RPGRIP1: variants seen among roughly 807,000 people sequenced by gnomAD.
The protein encoded by RPGRIP1 is RPGR interacting protein 1.
Under a neutral mutation model 157.9 loss-of-function variants are expected in RPGRIP1, and 128 were observed. The ratio of observed to expected loss-of-function variants is 0.81; its 90% CI spans 0.70 to 0.94. RPGRIP1 has a LOEUF of 0.94. Ranked by LOEUF, RPGRIP1 falls within the 40% of genes least tolerant of loss-of-function variation. The pLI, the probability that RPGRIP1 is intolerant of heterozygous loss-of-function variation, is 0.00. For synonymous variants in RPGRIP1, 554 were observed against 571.6 expected (o/e 0.97, Z 0.44); for missense variants, 1,486 against 1,545.8 (o/e 0.96, Z 0.65).
At chr14:21,323,569 A>G (rs556612725) in intron 14 of RPGRIP1, among the ~76,000 whole-genome samples, 1 of 152,250 alleles carries the variant, frequency 6.6e-6, no homozygotes, top group African/African-American at 2.4e-5. Context: ...ATCACTGGTA[A>G]GACTAAAGAG....
At chr14:21,324,278 C>T (rs1362278826) in intron 14 of RPGRIP1, 3 of 366,434 alleles carry the variant, frequency 8.2e-6, no homozygotes. Context: ...TAGTACTTCT[C>T]TTATGGAATT....
intron 1 of RPGRIP1, among the ~76,000 whole-genome samples, chr14:21,281,724 A>C (rs1189718105): frequency 6.8e-6 from 1 of 147,318 alleles, no homozygotes; most frequent in Non-Finnish European, 1.5e-5. Flanking sequence ...AATAATAATA[A>C]TAATAATAAT....
intron 24 of RPGRIP1, among the ~76,000 whole-genome samples, chr14:21,349,365 C>T (rs141277287): frequency 5.4e-4 from 81 of 150,322 alleles, no homozygotes; most frequent in African/African-American, 1.7e-3. Context: ...CCACTGCGCC[C>T]GGCCTCCTTA....
chr14:21,290,379 T>A (rs576404100), intron 2 of RPGRIP1, among the ~76,000 whole-genome samples: 78 of 152,246 alleles, frequency 5.1e-4, no homozygotes, highest in African/African-American at 1.8e-3. Flanking sequence ...TTTAAAAAAA[T>A]ATATTCTTTC....
At chr14:21,347,911 G>C (rs1486910217) in intron 23 of RPGRIP1, among the ~76,000 whole-genome samples, 1 of 151,892 alleles carries the variant, frequency 6.6e-6, no homozygotes, top group Non-Finnish European at 1.5e-5. Context: ...TTTTTTTGTA[G>C]AGACGGGGTG....
chr14:21,320,052 A>G lies in RPGRIP1; in HGVS notation c.1342A>G (p.Ile448Val), dbSNP rs1594198911. The G allele has an allele frequency of 1.2e-6, 2 of 1,613,322 alleles. No individual in the cohort carries two copies. Among genetic ancestry groups the G allele is most frequent in the East Asian group, 2.2e-5 (1 of 44,870 alleles). Residue 448 changes from isoleucine to valine, a missense_variant, in exon 12 of 25, where the codon ATA (isoleucine) becomes GTA (valine). Coordinates refer to ENST00000400017, the MANE Select transcript of RPGRIP1 (RefSeq NM_020366.4). ...NEDLKLEVTN[I>V]LQKHKQEVEL... ...GGATCTGAAGCTTGAAGTCACCAAC[A>G]TACTTCAGAAGCATAAACAGGAAGT...
intron 3 of RPGRIP1, among the ~76,000 whole-genome samples, chr14:21,297,834 A>ATTCTTTCTTTCTTTCTCTCTTTCTTTCT (rs1880850146): frequency 7.5e-6 from 1 of 133,216 alleles, no homozygotes; most frequent in South Asian, 2.4e-4. Context: ...TCAATAAATT[A>ATTCTTTCTTTCTTTCTCTCTTTCTTTCT]TTCTTTCTTT....
At chr14:21,348,732 C>T (rs1253646988) in intron 24 of RPGRIP1, among the ~76,000 whole-genome samples, 1 of 137,148 alleles carries the variant, frequency 7.3e-6, no homozygotes, top group Non-Finnish European at 1.5e-5. Context: ...GTGGTGTGAT[C>T]TCAGCTCACT....
In RPGRIP1 at chr14:21,328,579, T is replaced by C. The variant is rs1883362743; in HGVS notation, c.3051T>C (p.Asn1017=). The change falls in exon 19 of 25, where the codon AAT becomes AAC. Residue 1017 remains asparagine (N), a synonymous_variant. Transcript: ENST00000400017. ...AAAGAATAGGTGTTCAAGGAAAGAA[T>C]AGAATGGAGTATCTTAGCCTTAACA... ...HGKRIGVQGK[N]RMEYLSLNIL... The C allele has an allele frequency of 2.5e-6, 4 of 1,613,508 alleles. No individual in the cohort carries two copies. The highest frequency in any genetic ancestry group is 2.2e-5 in the East Asian group (1 of 44,880).
At chr14:21,340,217 A>G (rs1433708996) in intron 21 of RPGRIP1, among the ~76,000 whole-genome samples, 1 of 152,200 alleles carries the variant, frequency 6.6e-6, no homozygotes, top group African/African-American at 2.4e-5. Context: ...GTATATTATT[A>G]TTCCCCCACC....
chr14:21,286,027 T>C (rs150685865), intron 1 of RPGRIP1, among the ~76,000 whole-genome samples: 2,049 of 152,146 alleles, frequency 0.013, 22 homozygotes, highest in Non-Finnish European at 0.019. Context: ...TTTGCTCTTG[T>C]TGCCCAGGCT....
At chr14:21,350,600 C>T (rs747699631) in intron 24 of RPGRIP1, among the ~76,000 whole-genome samples, 2 of 152,070 alleles carry the variant, frequency 1.3e-5, no homozygotes, top group African/African-American at 2.4e-5. Context: ...CAACTGTGAT[C>T]CTTAGTCTTT....
chr14:21,330,221 A>G, intron 19 of RPGRIP1, 28 bp from the exon 20 acceptor site: 1 of 1,501,650 alleles, frequency 6.7e-7, no homozygotes, highest in South Asian at 1.4e-5. Context: ...ATTACCAGCT[A>G]TGTAGTATTG....
intron 19 of RPGRIP1, among the ~76,000 whole-genome samples, chr14:21,329,686 G>A (rs1883516736): frequency 6.6e-6 from 1 of 150,870 alleles, no homozygotes; most frequent in Non-Finnish European, 1.5e-5. Flanking sequence ...ATTTTTAGTA[G>A]AGACGAGGTT....
At chr14:21,336,945 T>C (rs1045852128) in intron 21 of RPGRIP1, among the ~76,000 whole-genome samples, 3 of 152,172 alleles carry the variant, frequency 2.0e-5, no homozygotes, top group African/African-American at 4.8e-5. Flanking sequence ...AGAAATTAAA[T>C]ATGAGAAAGG....
intron 1 of RPGRIP1, among the ~76,000 whole-genome samples, chr14:21,285,428 A>AC (rs780706195): frequency 2.0e-5 from 3 of 151,836 alleles, no homozygotes; most frequent in East Asian, 3.9e-4. Context: ...ACATGGTGAG[A>AC]CCCCGTCTCT....
chr14:21,342,981 A>G, intron 21 of RPGRIP1, 55 bp from the exon 22 acceptor site: 2 of 1,316,008 alleles, frequency 1.5e-6, no homozygotes, highest in East Asian at 2.3e-5. Flanking sequence ...GATGGCGTAT[A>G]AGCACTTGGA....
chr14:21,330,294 A>G lies in RPGRIP1; in HGVS notation c.3145A>G (p.Ile1049Val), dbSNP rs1352582546. ...GAAGTTCTCAGAGACTAACAGCTTC[A>G]TAGGTGATGGCTTTAAAAATCAGCA... The part of the protein sequence containing the change: ...EWKFSETNSF[I>V]GDGFKNQHEE... Residue 1049 changes from isoleucine to valine, a missense_variant, in exon 20 of 25, where the codon ATA becomes GTA. Ile to Val is a conservative substitution (Grantham distance 29, BLOSUM62 3). Transcript: ENST00000400017. 2.5e-6 allele frequency: 4 copies of G among 1,581,918 alleles called. No homozygotes were observed. The highest frequency in any genetic ancestry group is 1.4e-5 in the African/African-American group (1 of 72,434).
At chr14:21,312,281 G>T (rs547687343) in intron 9 of RPGRIP1, among the ~76,000 whole-genome samples, 152 bp from the exon 10 acceptor site, 8 of 152,228 alleles carry the variant, frequency 5.3e-5, no homozygotes, top group African/African-American at 1.9e-4. Flanking sequence ...ACCTTCAATT[G>T]GTTCAAGTCT....
Sources: allele counts gnomAD v4.1 joint callset (sites outside exome capture counted in the v4.1 genomes callset), GRCh38; gene constraint gnomAD v4.1.1; transcripts MANE v1.5; gene names NCBI Gene and HGNC (gene_info 2026-07-23, HGNC 2026-07-21).